GRIP1: variants seen among roughly 807,000 people sequenced by gnomAD.
GRIP1 encodes glutamate receptor-interacting protein 1.
GRIP1 carries 45 observed loss-of-function variants against 129.9 expected under a neutral mutation model. The ratio of observed to expected loss-of-function variants is 0.35; its 90% CI spans 0.27 to 0.44. The LOEUF (loss-of-function observed/expected upper bound fraction) is 0.44, where lower values mean the gene tolerates loss of function less well. Among genes scored for constraint, GRIP1 ranks in the 20% least tolerant of loss-of-function variants. The pLI, the probability that GRIP1 is intolerant of heterozygous loss-of-function variation, is 1.00. For synonymous variants in GRIP1, 530 were observed against 520.8 expected (o/e 1.02, Z -0.24); for missense variants, 1,196 against 1,396.8 (o/e 0.86, Z 2.29).
chr12:66,524,166 C>T (rs1435155503), intron 5 of GRIP1, among the ~76,000 whole-genome samples: 1 of 152,150 alleles, frequency 6.6e-6, no homozygotes, highest in Non-Finnish European at 1.5e-5. Flanking sequence ...CTCAGCTCTG[C>T]ACCAAGTGGA....
At chr12:67,035,514 T>C (rs1014955325) in intron 1 of GRIP1, 1 of 152,216 alleles carries the variant, frequency 6.6e-6, no homozygotes, top group Non-Finnish European at 1.5e-5. Context: ...CCCTGAGGTA[T>C]GTTTGGATGG....
chr12:66,967,824 C>G (rs2137560044), intron 1 of GRIP1, among the ~76,000 whole-genome samples: 1 of 152,188 alleles, frequency 6.6e-6, no homozygotes, highest in East Asian at 1.9e-4. Flanking sequence ...AATTTCTATT[C>G]TTTAAAATTT....
chr12:66,660,905 ATACATGTATACATGTGTAT>A (rs2033459115), intron 1 of GRIP1, among the ~76,000 whole-genome samples: 1 of 152,042 alleles, frequency 6.6e-6, no homozygotes, highest in Non-Finnish European at 1.5e-5. Context: ...ATATTTATGT[ATACATGTATACATGTGTAT>A]TACATGTATA....
intron 1 of GRIP1, among the ~76,000 whole-genome samples, chr12:66,749,536 T>G (rs1159084645): frequency 1.3e-5 from 2 of 152,236 alleles, no homozygotes; most frequent in Non-Finnish European, 1.5e-5. Context: ...TGACTCTTCT[T>G]AAACGTTGAT....
At chr12:66,428,649 C>T (rs571894103) in intron 14 of GRIP1, among the ~76,000 whole-genome samples, 2 of 152,260 alleles carry the variant, frequency 1.3e-5, no homozygotes, top group South Asian at 4.2e-4. Context: ...TTATTAGCCC[C>T]TGGTCTTTGG....
intron 5 of GRIP1, among the ~76,000 whole-genome samples, chr12:66,529,035 T>A (rs542978080): frequency 6.6e-6 from 1 of 151,628 alleles, no homozygotes; most frequent in African/African-American, 2.4e-5. Context: ...AACAAACATA[T>A]GAAAAAATGC....
At chr12:66,662,694 A>G (rs2033582293) in intron 1 of GRIP1, among the ~76,000 whole-genome samples, 1 of 152,258 alleles carries the variant, frequency 6.6e-6, no homozygotes, top group South Asian at 2.1e-4. Flanking sequence ...CATGAAAATA[A>G]CCTCTTCCTA....
At chr12:66,712,135 T>C (rs1453667663) in intron 1 of GRIP1, among the ~76,000 whole-genome samples, 1 of 152,006 alleles carries the variant, frequency 6.6e-6, no homozygotes, top group African/African-American at 2.4e-5. Context: ...ATGAAATGCA[T>C]TGTTTCCAAG....
Position 66,896,241 on chromosome 12 carries a change from T to C in GRIP1, c.58+172809A>G, listed in dbSNP as rs116491092. 4.8e-3 allele frequency among the ~76,000 whole-genome samples: 726 copies of C among 152,118 alleles called. 8 individuals are homozygous for C. The highest frequency in any genetic ancestry group is 0.016 in the African/African-American group (678 of 41,494). Reference sequence around the variant, plus strand: ...AGAAAATTCTAAATTCAGTTTGAGGTTGTGTTGTGGTGATGGAACTGCTAA... The same window carrying C: ...AGAAAATTCTAAATTCAGTTTGAGGCTGTGTTGTGGTGATGGAACTGCTAA... On this transcript the variant is annotated intron_variant, in intron 1 of 1. Coordinates refer to the GRIP1 transcript ENST00000643019.
intron 1 of GRIP1, among the ~76,000 whole-genome samples, chr12:66,884,293 A>T (rs572834111): frequency 5.2e-4 from 75 of 144,170 alleles, no homozygotes; most frequent in African/African-American, 4.1e-4. Context: ...CTTGCCAGCC[A>T]CAAGGGAATA....
chr12:66,685,222 T>C (rs2136294924), intron 1 of GRIP1, among the ~76,000 whole-genome samples: 1 of 152,304 alleles, frequency 6.6e-6, no homozygotes, highest in East Asian at 1.9e-4. Context: ...CCCAGAATCA[T>C]TGACCAACAC....
At chr12:66,473,734 G>C (rs2059516006) in intron 7 of GRIP1, among the ~76,000 whole-genome samples, 1 of 152,236 alleles carries the variant, frequency 6.6e-6, no homozygotes, top group African/African-American at 2.4e-5. Flanking sequence ...ACCTGCAGCA[G>C]AGGGGCCTGG....
chr12:66,445,747 T>C (rs762375228), intron 11 of GRIP1, among the ~76,000 whole-genome samples: 6 of 152,122 alleles, frequency 3.9e-5, no homozygotes, highest in Non-Finnish European at 8.8e-5. Flanking sequence ...AAACCAGGGA[T>C]CATTGTGGGG....
chr12:66,528,847 A>AT (rs1304709571), intron 5 of GRIP1, among the ~76,000 whole-genome samples: 1 of 152,150 alleles, frequency 6.6e-6, no homozygotes, highest in Non-Finnish European at 1.5e-5. Context: ...AGAAGAGAAG[A>AT]TTTTTCTAAC....
upstream of GRIP1, chr12:67,069,224 G>T (rs867858889): frequency 1.9e-6 from 1 of 518,624 alleles, no homozygotes; most frequent in Non-Finnish European, 2.5e-6. Context: ...GCTGTTCAGC[G>T]GGGCTGGGGC....
intron 1 of GRIP1, among the ~76,000 whole-genome samples, chr12:66,993,788 CA>C (rs3051204): frequency 0.23 from 26,384 of 116,008 alleles, 2,445 homozygotes; most frequent in East Asian, 0.46. Context: ...GAGGCTGTCT[CA>C]AAAAAAAAAA....
intron 1 of GRIP1, among the ~76,000 whole-genome samples, chr12:66,909,477 T>A (rs948128047): frequency 1.2e-4 from 19 of 152,252 alleles, no homozygotes; most frequent in African/African-American, 3.6e-4. Context: ...GTAAATCCTG[T>A]ATATAGAACA....
At chr12:66,734,867 A>G (rs1289903834) in intron 1 of GRIP1, among the ~76,000 whole-genome samples, 1 of 152,226 alleles carries the variant, frequency 6.6e-6, no homozygotes, top group Non-Finnish European at 1.5e-5. Context: ...AATCTCTTAT[A>G]AAAGTGATTT....
At chr12:66,976,859 C>T (rs555077270) in intron 1 of GRIP1, among the ~76,000 whole-genome samples, 17 of 152,296 alleles carry the variant, frequency 1.1e-4, no homozygotes, top group African/African-American at 4.1e-4. Flanking sequence ...TTCTTTACTG[C>T]CTTAATATTC....
Sources: gnomAD v4.1 joint callset for allele counts (sites outside exome capture counted in the v4.1 genomes callset) on GRCh38, gnomAD v4.1.1 for gene constraint, MANE v1.5 for transcripts, NCBI Gene and HGNC (gene_info 2026-07-23, HGNC 2026-07-21) for gene names.